APPBP2: variants seen among roughly 807,000 people sequenced by gnomAD.
The protein encoded by APPBP2 is amyloid beta precursor protein binding protein 2, also known as amyloid protein-binding protein 2.
Under a neutral mutation model 76.0 loss-of-function variants are expected in APPBP2, and 15 were observed. The ratio of observed to expected loss-of-function variants is 0.20; its 90% CI spans 0.13 to 0.30. The LOEUF (loss-of-function observed/expected upper bound fraction) is 0.30, where lower values mean the gene tolerates loss of function less well. Among genes scored for constraint, APPBP2 ranks in the 10% least tolerant of loss-of-function variants. The probability of loss-of-function intolerance (pLI) is 1.00; values close to 1 mark genes in which losing one functional copy is unlikely to be tolerated. For missense variants in APPBP2, 401 were observed against 687.2 expected (o/e 0.58, Z 4.66); for synonymous variants, 222 against 242.2 (o/e 0.92, Z 0.77).
At chr17:60,501,222 G>A (rs8076958) in intron 1 of APPBP2, among the ~76,000 whole-genome samples, 12,484 of 151,740 alleles carry the variant, frequency 0.082, 1,697 homozygotes, top group African/African-American at 0.28. Context: ...TGAGGCAAGG[G>A]GACTGCTTGA....
intron 9 of APPBP2, among the ~76,000 whole-genome samples, chr17:60,458,747 G>C (rs1047023901): frequency 4.0e-5 from 6 of 150,868 alleles, no homozygotes; most frequent in African/African-American, 1.5e-4. Context: ...ATACTTTACA[G>C]CATCAACCAA....
chr17:60,449,612 CAA>C (rs34903661), intron 12 of APPBP2, among the ~76,000 whole-genome samples: 17 of 150,346 alleles, frequency 1.1e-4, no homozygotes, highest in Admixed American at 8.0e-4. Flanking sequence ...AAAACAAAAC[CAA>C]AAAAAAGTCT....
At chr17:60,471,865 C>A (rs969554893) in intron 4 of APPBP2, among the ~76,000 whole-genome samples, 5 of 152,144 alleles carry the variant, frequency 3.3e-5, no homozygotes, top group Non-Finnish European at 5.9e-5. Context: ...GTGGCTCATG[C>A]CTGTAATCCT....
intron 11 of APPBP2, among the ~76,000 whole-genome samples, chr17:60,453,740 T>C (rs1275891270): frequency 6.6e-6 from 1 of 151,998 alleles, no homozygotes; most frequent in African/African-American, 2.4e-5. Flanking sequence ...GATTTCCCTA[T>C]ATTGACCAGG....
intron 4 of APPBP2, among the ~76,000 whole-genome samples, chr17:60,470,573 TATTA>T (rs1052947066): frequency 9.2e-5 from 14 of 151,794 alleles, no homozygotes; most frequent in African/African-American, 1.5e-4. Flanking sequence ...GCCTGCTCTT[TATTA>T]ATTAATTAAT....
intron 9 of APPBP2, among the ~76,000 whole-genome samples, chr17:60,458,246 C>T (rs1053368018): frequency 1.3e-5 from 2 of 152,046 alleles, no homozygotes; most frequent in African/African-American, 4.8e-5. Context: ...CCAGTCTGGC[C>T]AACATGGTGA....
intron 3 of APPBP2, among the ~76,000 whole-genome samples, chr17:60,482,470 T>TTG (rs1422509167): frequency 3.3e-5 from 5 of 152,148 alleles, no homozygotes; most frequent in African/African-American, 1.2e-4. Flanking sequence ...TTATTATACT[T>TTG]TAAGTTCTAG....
intron 1 of APPBP2, among the ~76,000 whole-genome samples, chr17:60,525,283 ACTCCTT>A (rs2091042776): frequency 6.6e-6 from 1 of 152,172 alleles, no homozygotes. Flanking sequence ...ATAATCCCTA[ACTCCTT>A]CCCAATTGGG....
intron 9 of APPBP2, among the ~76,000 whole-genome samples, chr17:60,458,170 A>C (rs1431426238): frequency 2.6e-5 from 4 of 152,202 alleles, no homozygotes; most frequent in African/African-American, 7.2e-5. Context: ...ATGGTGGCTC[A>C]CATCTGCAGC....
intron 1 of APPBP2, among the ~76,000 whole-genome samples, chr17:60,520,061 G>A (rs1351185576): frequency 2.0e-5 from 3 of 151,882 alleles, no homozygotes; most frequent in African/African-American, 7.3e-5. Context: ...TGAGATTACA[G>A]ACATAAGCCA....
intron 5 of APPBP2, among the ~76,000 whole-genome samples, chr17:60,464,486 T>A (rs1217413667): frequency 6.6e-6 from 1 of 152,176 alleles, no homozygotes; most frequent in Admixed American, 6.6e-5. Context: ...ATACATTCCA[T>A]CCTCCTATTG....
intron 3 of APPBP2, among the ~76,000 whole-genome samples, chr17:60,482,525 G>A (rs9903035): frequency 0.018 from 2,705 of 152,200 alleles, 87 homozygotes; most frequent in African/African-American, 0.063. Flanking sequence ...ATGTTGGTTT[G>A]CTGCACCCAT....
intron 1 of APPBP2, among the ~76,000 whole-genome samples, chr17:60,511,284 T>C (rs751526743): frequency 2.0e-5 from 3 of 152,068 alleles, no homozygotes; most frequent in Non-Finnish European, 4.4e-5. Context: ...TAGGGCAGTA[T>C]AGCTATAAGA....
At chr17:60,516,273 C>T (rs1324269783) in intron 1 of APPBP2, among the ~76,000 whole-genome samples, 1 of 152,084 alleles carries the variant, frequency 6.6e-6, no homozygotes, top group African/African-American at 2.4e-5. Context: ...ACAAACATCC[C>T]ATTAGTTAAT....
intron 4 of APPBP2, among the ~76,000 whole-genome samples, chr17:60,469,765 G>GT (rs1266866607): frequency 6.6e-6 from 1 of 152,144 alleles, no homozygotes; most frequent in African/African-American, 2.4e-5. Context: ...CAAATTTTGT[G>GT]TATCTATTTA....
chr17:60,515,784 T>C (rs2090958553), intron 1 of APPBP2, among the ~76,000 whole-genome samples: 1 of 152,248 alleles, frequency 6.6e-6, no homozygotes, highest in African/African-American at 2.4e-5. Context: ...TAGACTGGTA[T>C]ACTACACTGC....
chr17:60,458,807 G>A (rs967474176), intron 9 of APPBP2, among the ~76,000 whole-genome samples: 13 of 148,020 alleles, frequency 8.8e-5, no homozygotes, highest in Admixed American at 2.0e-4. Context: ...ACGGAGTCTC[G>A]TTCTGTCGCC....
chr17:60,482,400 G>A (rs1306548309), intron 3 of APPBP2, among the ~76,000 whole-genome samples: 1 of 152,092 alleles, frequency 6.6e-6, no homozygotes, highest in Non-Finnish European at 1.5e-5. Context: ...GTCCTACTTA[G>A]TAATGCAGTC....
At chr17:60,523,705 A>C (rs1294761972) in intron 1 of APPBP2, among the ~76,000 whole-genome samples, 1 of 152,156 alleles carries the variant, frequency 6.6e-6, no homozygotes, top group Admixed American at 6.5e-5. Context: ...TTCTTCTTAC[A>C]TCTCCATTAA....
Sources: gnomAD v4.1 joint callset for allele counts (sites outside exome capture counted in the v4.1 genomes callset) on GRCh38, gnomAD v4.1.1 for gene constraint, MANE v1.5 for transcripts, NCBI Gene and HGNC (gene_info 2026-07-23, HGNC 2026-07-21) for gene names.